Variants in PALM2AKAP2 observed in about 807,000 individuals in gnomAD.
PALM2AKAP2 encodes the protein PALM2-AKAP2 fusion protein.
PALM2AKAP2 carries 37 observed loss-of-function variants against 71.5 expected under a neutral mutation model. The ratio of observed to expected loss-of-function variants is 0.52; its 90% confidence interval spans 0.40 to 0.68. PALM2AKAP2 has a LOEUF of 0.68. Among genes scored for constraint, PALM2AKAP2 ranks in the 30% least tolerant of loss-of-function variants. The pLI is 0.00. For synonymous variants in PALM2AKAP2, 468 were observed against 478.8 expected, an observed-to-expected ratio of 0.98 and a Z score of 0.29; for missense variants, 1,224 against 1,191.8, an observed-to-expected ratio of 1.03 and a Z score of -0.40.
At chr9:109,689,266 C>CA (rs1827847283) in intron 1 of PALM2AKAP2, among the ~76,000 whole-genome samples, 2 of 148,712 alleles carry the variant, frequency 1.3e-5, no homozygotes, top group Non-Finnish European at 3.0e-5. Context: ...GCAATGGTGC[C>CA]ATCTCAGCTC....
chr9:109,826,774 C>T (rs1165836940), intron 1 of PALM2AKAP2, among the ~76,000 whole-genome samples: 1 of 152,232 alleles, frequency 6.6e-6, no homozygotes, highest in East Asian at 1.9e-4. Flanking sequence ...TCTGGCAGCA[C>T]CTCTTCTTAT....
intron 2 of PALM2AKAP2, among the ~76,000 whole-genome samples, chr9:109,878,562 C>T (rs1176453211): frequency 2.0e-5 from 3 of 152,094 alleles, no homozygotes; most frequent in Admixed American, 2.0e-4. Flanking sequence ...CACCTGAACC[C>T]ACACTGATGA....
rs566665157 is a variant in PALM2AKAP2, at chr9:109,867,325, C to G, written c.46-166C>G. 2.2e-5 allele frequency: 15 copies of G among 679,478 alleles called. No individual in the cohort carries two copies. The South Asian group carries it at 2.4e-4, about 11-fold the overall frequency. The allele number at this position is 679,478 out of a possible 1,614,324, so 42.1% of individuals were successfully genotyped here. On this transcript the variant is annotated intron_variant, in intron 1 of 9. Coordinates refer to the PALM2AKAP2 transcript ENST00000302798. ...CAGACATGTTAGGAGAATGCTGCTG[C>G]TTGCAACACACCCAGAGACGGTGGG...
At chr9:109,981,190 T>C (rs2132194772) in intron 6 of PALM2AKAP2, among the ~76,000 whole-genome samples, 1 of 152,338 alleles carries the variant, frequency 6.6e-6, no homozygotes, top group Non-Finnish European at 1.5e-5. Context: ...CCAGGTTTTC[T>C]GGTTCTACTT....
chr9:109,831,992 A>T (rs1374855458), intron 1 of PALM2AKAP2, among the ~76,000 whole-genome samples: 4 of 152,202 alleles, frequency 2.6e-5, no homozygotes, highest in Non-Finnish European at 5.9e-5. Flanking sequence ...TAGAGTATAA[A>T]TATTTCCTTT....
Position 109,985,656 on chromosome 9 carries a change from C to CTT in PALM2AKAP2, c.497-30284_497-30283dup, listed in dbSNP as rs568197028. Among the ~76,000 whole-genome samples, 581 of 132,046 alleles carry CTT rather than the reference C, an allele frequency of 4.4e-3. 4 individuals carry two copies. The highest frequency in any genetic ancestry group is 0.012 in the African/African-American group (432 of 36,364). 86.6% of individuals were successfully genotyped at this position (132,046 alleles called of 152,430 possible). ...AAACTGTCTTGAGTTTTCTTTCTTT[C>CTT]TTTTTTTTTTTTTTTAACAGTCTTG... is the stretch of plus-strand genomic sequence containing the variant. On this transcript the variant is annotated intron_variant, in intron 6 of 9. Coordinates refer to the PALM2AKAP2 transcript ENST00000302798.
At chr9:109,705,519 C>T (rs1456023892) in intron 1 of PALM2AKAP2, among the ~76,000 whole-genome samples, 5 of 152,200 alleles carry the variant, frequency 3.3e-5, no homozygotes, top group African/African-American at 9.6e-5. Flanking sequence ...TCAGTCTTTG[C>T]TTTTGACCCA....
chr9:109,960,050 C>G (rs72754914), intron 6 of PALM2AKAP2, among the ~76,000 whole-genome samples: 16 of 152,250 alleles, frequency 1.1e-4, no homozygotes, highest in Middle Eastern at 3.4e-3. Flanking sequence ...CCATCACCCC[C>G]CTCCGCGAAA....
At chr9:109,839,572 A>G (rs911297090) in intron 1 of PALM2AKAP2, among the ~76,000 whole-genome samples, 4 of 152,224 alleles carry the variant, frequency 2.6e-5, no homozygotes, top group Non-Finnish European at 4.4e-5. Flanking sequence ...AGGGTATTCA[A>G]TTAGGAAAAG....
intron 1 of PALM2AKAP2, among the ~76,000 whole-genome samples, chr9:109,750,272 A>G (rs1463794315): frequency 6.6e-6 from 1 of 152,194 alleles, no homozygotes; most frequent in East Asian, 1.9e-4. Flanking sequence ...AATTAGTTCC[A>G]ATATGGTGGG....
intron 1 of PALM2AKAP2, among the ~76,000 whole-genome samples, chr9:109,717,353 G>A (rs1413552275): frequency 2.0e-5 from 3 of 152,138 alleles, no homozygotes; most frequent in African/African-American, 7.2e-5. Flanking sequence ...GAGTTTAGGA[G>A]GTGGGAGGCC....
chr9:109,681,436 A>T (rs1827731803), intron 1 of PALM2AKAP2, among the ~76,000 whole-genome samples: 1 of 152,232 alleles, frequency 6.6e-6, no homozygotes, highest in African/African-American at 2.4e-5. Context: ...TTGAGGGTTT[A>T]TGTGTGGTAA....
chr9:110,156,060 T>C (rs1206421420), intron 2 of PALM2AKAP2, among the ~76,000 whole-genome samples: 2 of 152,226 alleles, frequency 1.3e-5, no homozygotes, highest in African/African-American at 2.4e-5. Context: ...GTCCAACATA[T>C]ATTTGCAAAA....
At chr9:109,757,855 A>G (rs1333795614) in intron 1 of PALM2AKAP2, among the ~76,000 whole-genome samples, 3 of 152,068 alleles carry the variant, frequency 2.0e-5, no homozygotes, top group Non-Finnish European at 4.4e-5. Flanking sequence ...TATCTATGTA[A>G]CTTTTTATGT....
chr9:110,158,219 AG>A (rs1369392902), intron 3 of PALM2AKAP2, among the ~76,000 whole-genome samples: 1 of 152,250 alleles, frequency 6.6e-6, no homozygotes, highest in South Asian at 2.1e-4. Flanking sequence ...GTTTGCCTTA[AG>A]AATTTTCTGA....
At chr9:110,108,837 T>TA (rs869165997) in intron 1 of PALM2AKAP2, among the ~76,000 whole-genome samples, 8 of 152,068 alleles carry the variant, frequency 5.3e-5, no homozygotes, top group East Asian at 1.9e-4. Flanking sequence ...CCCCTGCATT[T>TA]AAAAAAAAAT....
chr9:109,852,823 G>A (rs1292804162), intron 1 of PALM2AKAP2, among the ~76,000 whole-genome samples: 1 of 152,044 alleles, frequency 6.6e-6, no homozygotes, highest in African/African-American at 2.4e-5. Flanking sequence ...TTGGCTGCTT[G>A]TATGTCTTTT....
At chr9:109,926,042 A>T (rs887376050) in intron 5 of PALM2AKAP2, among the ~76,000 whole-genome samples, 11 of 152,208 alleles carry the variant, frequency 7.2e-5, no homozygotes, top group African/African-American at 2.7e-4. Context: ...AGTGCACTCC[A>T]GTCTGGGTGA....
intron 2 of PALM2AKAP2, among the ~76,000 whole-genome samples, chr9:110,143,419 A>AC (rs1554756611): frequency 6.8e-6 from 1 of 147,218 alleles, no homozygotes; most frequent in Non-Finnish European, 1.5e-5. Context: ...GCCAAAAAAA[A>AC]AAAAAAAAAA....
Sources: allele counts gnomAD v4.1 joint callset (sites outside exome capture counted in the v4.1 genomes callset), GRCh38; gene constraint gnomAD v4.1.1; transcripts MANE v1.5; gene names NCBI Gene and HGNC (gene_info 2026-07-23, HGNC 2026-07-21).